The following ARSL variants were observed in gnomAD, a reference collection of about 807,000 sequenced individuals.
ARSL encodes the protein arylsulfatase E (chondrodysplasia punctata 1).
Under a neutral mutation model 31.1 loss-of-function variants are expected in ARSL, and 4 were observed. That is an observed-to-expected ratio of 0.13 (90% confidence interval 0.06 to 0.29). The LOEUF (loss-of-function observed/expected upper bound fraction) is 0.29. Ranked by LOEUF, ARSL falls within the 10% of genes least tolerant of loss-of-function variation. ARSL has a pLI of 1.00. For missense variants in ARSL, 312 were observed against 497.8 expected (o/e 0.63, Z 3.55); for synonymous variants, 198 against 209.9 (o/e 0.94, Z 0.49).
At chrX:2,964,546 A>G (rs896352437), upstream of ARSL, 45 of 658,598 alleles carry the variant, frequency 6.8e-5, no homozygotes, top group Middle Eastern at 2.7e-3. Context: ...CAAAGTCCTG[A>G]GCTCCAGTGA....
At chrX:2,936,680 G>C (rs914905071) in intron 10 of ARSL, 62 bp downstream of exon 10, 4 of 1,193,330 alleles carry the variant, frequency 3.4e-6, no homozygotes, top group African/African-American at 3.5e-5. Flanking sequence ...CTAGGGCATG[G>C]TGCTTTCCTG....
chrX:2,949,825 CT>C, intron 5 of ARSL, 98 bp from the exon 6 acceptor site: 1 of 957,250 alleles, frequency 1.0e-6, no homozygotes, highest in Non-Finnish European at 1.5e-6. Context: ...CTGTTAGACA[CT>C]GGGGGGCCAG....
upstream of ARSL, among the ~76,000 whole-genome samples, chrX:2,966,254 C>T (rs954837234): frequency 1.1e-4 from 12 of 111,374 alleles, no homozygotes; most frequent in African/African-American, 3.6e-4. Context: ...TGTCTCAAAA[C>T]GAGTATTAGG....
chrX:2,960,541 A>G (rs1046493287), intron 1 of ARSL, 121 bp from the exon 2 acceptor site: 1 of 655,599 alleles, frequency 1.5e-6, no homozygotes, highest in Non-Finnish European at 2.4e-6. Flanking sequence ...AATAGCAAAA[A>G]TATCTTAAAA....
chrX:2,955,129 C>G (rs1336653591), intron 4 of ARSL, among the ~76,000 whole-genome samples: 4 of 112,004 alleles, frequency 3.6e-5, no homozygotes, highest in African/African-American at 1.3e-4. Flanking sequence ...ATTGGCTAGC[C>G]CTGGGAGGGC....
chrX:2,944,637 G>A (rs933912519), intron 7 of ARSL, among the ~76,000 whole-genome samples: 9 of 108,473 alleles, frequency 8.3e-5, no homozygotes, highest in Non-Finnish European at 1.1e-4. Flanking sequence ...CCTGGGATTC[G>A]CAGCCCACCA....
chrX:2,937,688 C>T (rs747579923), intron 9 of ARSL, among the ~76,000 whole-genome samples: 21 of 111,162 alleles, frequency 1.9e-4, no homozygotes, highest in Non-Finnish European at 3.8e-4. Context: ...CTGGAACCAT[C>T]TAGATTAAGT....
intron 6 of ARSL, among the ~76,000 whole-genome samples, chrX:2,946,481 G>A (rs182520561): frequency 1.4e-3 from 143 of 102,210 alleles, no homozygotes; most frequent in African/African-American, 4.8e-3. Context: ...TGGGGCCACA[G>A]GCATGTGCTA....
At chrX:2,946,717 G>C (rs754779366) in intron 6 of ARSL, among the ~76,000 whole-genome samples, 43 of 103,890 alleles carry the variant, frequency 4.1e-4, no homozygotes, top group African/African-American at 1.5e-3. Flanking sequence ...TCGCCCAGGC[G>C]GGGGTGCAGT....
At chrX:2,955,194 G>C (rs1389231187) in intron 4 of ARSL, among the ~76,000 whole-genome samples, 1 of 112,397 alleles carries the variant, frequency 8.9e-6, no homozygotes, top group East Asian at 2.8e-4. Context: ...GAATATAAAA[G>C]CTGCCTGGGC....
chrX:2,968,119 G>T (rs749761573), upstream of ARSL: 14 of 1,155,314 alleles, frequency 1.2e-5, no homozygotes, highest in South Asian at 2.5e-4. Flanking sequence ...AAGCCGGCCT[G>T]TAAGAAGAAG....
intron 1 of ARSL, among the ~76,000 whole-genome samples, chrX:2,963,276 T>C (rs1217875682): frequency 9.0e-6 from 1 of 111,549 alleles, no homozygotes; most frequent in African/African-American, 3.3e-5. Flanking sequence ...AAGAGATTGA[T>C]TTAAAATTGT....
chrX:2,950,350 G>A (rs1297991025), intron 5 of ARSL, among the ~76,000 whole-genome samples: 1 of 112,006 alleles, frequency 8.9e-6, no homozygotes, highest in Non-Finnish European at 1.9e-5. Flanking sequence ...CTAACACCCA[G>A]GACCTCAGAA....
chrX:2,948,876 G>A (rs1217568902), intron 6 of ARSL, among the ~76,000 whole-genome samples: 1 of 111,127 alleles, frequency 9.0e-6, no homozygotes, highest in African/African-American at 3.3e-5. Context: ...CCAAAAAATT[G>A]TCCTTCTAGG....
chrX:2,944,592 T>C (rs747218962), intron 7 of ARSL, among the ~76,000 whole-genome samples: 1 of 110,209 alleles, frequency 9.1e-6, no homozygotes, highest in South Asian at 4.0e-4. Context: ...AATACGTCGT[T>C]CACCCAAATC....
chrX:2,935,294 C>T, intron 10 of ARSL, 104 bp from the exon 11 acceptor site: 1 of 756,476 alleles, frequency 1.3e-6, no homozygotes, highest in Non-Finnish European at 2.0e-6. Flanking sequence ...CCCAAGCGTC[C>T]ATCGATGGAT....
intron 7 of ARSL, among the ~76,000 whole-genome samples, chrX:2,944,386 G>A (rs1390722236): frequency 1.9e-5 from 2 of 106,452 alleles, no homozygotes; most frequent in Non-Finnish European, 3.9e-5. Context: ...CCCGGGAGGC[G>A]GAGGTTGCAG....
chrX:2,963,864 A>C (rs761626766), intron 1 of ARSL, among the ~76,000 whole-genome samples: 2 of 110,257 alleles, frequency 1.8e-5, no homozygotes, highest in Non-Finnish European at 3.8e-5. Context: ...TTCTCCCGCA[A>C]TGTTATGTAT....
rs183397510 is a variant in ARSL at position 2,960,520 on chromosome X, T to G, written c.-20-100A>C. 568 of 822,505 alleles carry G rather than the reference T, an allele frequency of 6.9e-4. 3 individuals are homozygous for G. In the African/African-American group the frequency reaches 1.0e-2, roughly 14 times the overall value. The allele number at this position is 822,505 out of a possible 1,213,427, so 67.8% of individuals were successfully genotyped here. A position where few individuals can be genotyped will look rare whatever the true frequency, so the allele number is the denominator to read the frequency against. ...GTAATTAGGGGAACTTTGATTCCCG[T>G]TCATGATATCAATAGCAAAAATATC... On this transcript the variant is annotated intron_variant, in intron 1 of 10. Coordinates refer to ENST00000381134, the MANE Select transcript of ARSL (RefSeq NM_000047.3).
Sources: gnomAD v4.1 joint callset for allele counts (sites outside exome capture counted in the v4.1 genomes callset) on GRCh38, gnomAD v4.1.1 for gene constraint, MANE v1.5 for transcripts, NCBI Gene and HGNC (gene_info 2026-07-23, HGNC 2026-07-21) for gene names.